Variants in NPAS3 observed in about 807,000 individuals in gnomAD.
NPAS3 encodes the protein neuronal PAS domain-containing protein 3.
In NPAS3, 14 loss-of-function variants were observed where a neutral mutation model predicts 73.1. The ratio of observed to expected loss-of-function variants is 0.19; its 90% CI spans 0.13 to 0.30. The LOEUF is 0.30. Ranked by LOEUF, NPAS3 falls within the 10% of genes least tolerant of loss-of-function variation. NPAS3 has a pLI of 1.00. For synonymous variants in NPAS3, 620 were observed against 541.5 expected, an observed-to-expected ratio of 1.14 and a Z score of -2.01; for missense variants, 1,096 against 1,250.0, an observed-to-expected ratio of 0.88 and a Z score of 1.86.
At chr14:33,637,298 C>T (rs2058548401) in intron 5 of NPAS3, among the ~76,000 whole-genome samples, 1 of 152,132 alleles carries the variant, frequency 6.6e-6, no homozygotes, top group South Asian at 2.1e-4. Context: ...CTCACTCTGG[C>T]ATATGATTTC....
At chr14:33,714,689 G>GA (rs1487724326) in intron 6 of NPAS3, among the ~76,000 whole-genome samples, 2 of 152,130 alleles carry the variant, frequency 1.3e-5, no homozygotes, top group African/African-American at 4.8e-5. Flanking sequence ...CTGGAGTCAT[G>GA]AAAAATACCT....
intron 4 of NPAS3, among the ~76,000 whole-genome samples, chr14:33,376,617 G>A (rs558645264): frequency 3.9e-5 from 6 of 152,122 alleles, no homozygotes; most frequent in African/African-American, 9.7e-5. Flanking sequence ...TCTCAGCTCC[G>A]TGTTAGAAGC....
intron 2 of NPAS3, among the ~76,000 whole-genome samples, chr14:33,142,102 G>T (rs1374000131): frequency 1.3e-5 from 2 of 149,988 alleles, no homozygotes; most frequent in Middle Eastern, 6.5e-3. Context: ...GCTGTGAACT[G>T]GTTATTAAGG....
At chr14:33,283,141 G>C (rs1307538924) in intron 3 of NPAS3, among the ~76,000 whole-genome samples, 1 of 152,164 alleles carries the variant, frequency 6.6e-6, no homozygotes, top group Middle Eastern at 3.2e-3. Context: ...CATAATTGCT[G>C]AATGTTATGA....
chr14:33,198,032 C>T (rs148152895), intron 2 of NPAS3, among the ~76,000 whole-genome samples: 192 of 151,238 alleles, frequency 1.3e-3, no homozygotes, highest in African/African-American at 4.5e-3. Flanking sequence ...GTGAGTATTA[C>T]AGCTCTTAAG....
intron 1 of NPAS3, among the ~76,000 whole-genome samples, chr14:32,943,890 A>G (rs2036142277): frequency 6.6e-6 from 1 of 152,058 alleles, no homozygotes; most frequent in Non-Finnish European, 1.5e-5. Flanking sequence ...GGGTTTCACC[A>G]TGTTGGCCAG....
intron 3 of NPAS3, among the ~76,000 whole-genome samples, chr14:33,286,676 T>C (rs1286333387): frequency 6.6e-6 from 1 of 152,178 alleles, no homozygotes; most frequent in African/African-American, 2.4e-5. Flanking sequence ...ACTTTTTTTT[T>C]TAAATCAAAA....
At chr14:33,138,015 T>G (rs1029701301) in intron 2 of NPAS3, among the ~76,000 whole-genome samples, 5 of 151,936 alleles carry the variant, frequency 3.3e-5, no homozygotes, top group African/African-American at 1.2e-4. Flanking sequence ...GTGTAACATC[T>G]TTCTCATCTT....
intron 5 of NPAS3, among the ~76,000 whole-genome samples, chr14:33,571,439 G>A (rs887238992): frequency 1.3e-5 from 2 of 152,176 alleles, no homozygotes; most frequent in Non-Finnish European, 2.9e-5. Flanking sequence ...TAGTTGAGCA[G>A]ATGCTACCCT....
intron 3 of NPAS3, among the ~76,000 whole-genome samples, chr14:33,302,131 TGAACAAA>T (rs1392162034): frequency 6.6e-6 from 1 of 152,204 alleles, no homozygotes; most frequent in Non-Finnish European, 1.5e-5. Context: ...ATTAAATTAA[TGAACAAA>T]TTAATAAACA....
chr14:33,367,476 G>A (rs1751229083), intron 4 of NPAS3, among the ~76,000 whole-genome samples: 1 of 152,152 alleles, frequency 6.6e-6, no homozygotes, highest in South Asian at 2.1e-4. Flanking sequence ...GGGAGGGCAA[G>A]TATTATTTGT....
intron 4 of NPAS3, among the ~76,000 whole-genome samples, chr14:33,522,823 T>C (rs950227235): frequency 7.9e-5 from 12 of 152,168 alleles, no homozygotes; most frequent in African/African-American, 2.2e-4. Flanking sequence ...AGGTAAACGA[T>C]GAGTGAATGG....
chr14:33,023,205 G>A (rs530308938), intron 1 of NPAS3, among the ~76,000 whole-genome samples: 26 of 152,218 alleles, frequency 1.7e-4, no homozygotes, highest in African/African-American at 6.0e-4. Flanking sequence ...TGACACAAAC[G>A]GTTTGACAAG....
At chr14:33,290,407 C>T (rs1051904661) in intron 3 of NPAS3, among the ~76,000 whole-genome samples, 4 of 152,156 alleles carry the variant, frequency 2.6e-5, no homozygotes, top group African/African-American at 7.2e-5. Context: ...ATAGAATCTT[C>T]GAGAAAGAGG....
chr14:33,464,346 A>G (rs1434465364), intron 4 of NPAS3, among the ~76,000 whole-genome samples: 1 of 152,130 alleles, frequency 6.6e-6, no homozygotes, highest in East Asian at 1.9e-4. Flanking sequence ...AATCGGCGTT[A>G]ACTCATGGTA....
chr14:33,401,941 TCA>T (rs1398886911), intron 4 of NPAS3, among the ~76,000 whole-genome samples: 1 of 152,086 alleles, frequency 6.6e-6, no homozygotes, highest in Non-Finnish European at 1.5e-5. Context: ...AAGTTAAAAA[TCA>T]CAGTTTTTCT....
intron 4 of NPAS3, among the ~76,000 whole-genome samples, chr14:33,503,942 T>G (rs984125363): frequency 4.6e-5 from 7 of 152,100 alleles, no homozygotes; most frequent in Non-Finnish European, 7.4e-5. Flanking sequence ...AACTAAATAT[T>G]TTTAGAAAAG....
intron 4 of NPAS3, among the ~76,000 whole-genome samples, chr14:33,519,113 G>T (rs897228055): frequency 6.6e-6 from 1 of 152,082 alleles, no homozygotes; most frequent in African/African-American, 2.4e-5. Context: ...GTAGAGAACA[G>T]AGTTTAAGCA....
chr14:33,149,941 C>T (rs1163961025), intron 2 of NPAS3, among the ~76,000 whole-genome samples: 3 of 152,160 alleles, frequency 2.0e-5, no homozygotes, highest in African/African-American at 7.2e-5. Flanking sequence ...CCTAGCCCCT[C>T]ACCCCCTGAC....
Sources: gnomAD v4.1 joint callset for allele counts (sites outside exome capture counted in the v4.1 genomes callset) on GRCh38, gnomAD v4.1.1 for gene constraint, MANE v1.5 for transcripts, NCBI Gene and HGNC (gene_info 2026-07-23, HGNC 2026-07-21) for gene names.